The following PRUNE2 variants were observed in gnomAD, a reference collection of about 807,000 sequenced individuals.
The protein encoded by PRUNE2 is protein prune homolog 2.
In PRUNE2, 164 loss-of-function variants were observed where a neutral mutation model predicts 252.0. The ratio of observed to expected loss-of-function variants is 0.65; its 90% CI spans 0.57 to 0.74. The LOEUF (loss-of-function observed/expected upper bound fraction) is 0.74. PRUNE2 is among the 30% of genes least tolerant of loss of function. The pLI, the probability that PRUNE2 is intolerant of heterozygous loss-of-function variation, is 0.00. For synonymous variants in PRUNE2, 1,292 were observed against 1,350.2 expected, an observed-to-expected ratio of 0.96 and a Z score of 0.94; for missense variants, 3,495 against 3,711.0, an observed-to-expected ratio of 0.94 and a Z score of 1.51.
intron 6 of PRUNE2, among the ~76,000 whole-genome samples, chr9:76,715,508 C>A (rs2047073152): frequency 6.6e-6 from 1 of 152,174 alleles, no homozygotes; most frequent in African/African-American, 2.4e-5. Flanking sequence ...TACGAATCCA[C>A]AAAGGTCTCA....
chr9:76,690,884 T>C (rs1234474522), intron 9 of PRUNE2, among the ~76,000 whole-genome samples: 2 of 152,164 alleles, frequency 1.3e-5, no homozygotes, highest in Non-Finnish European at 2.9e-5. Context: ...ACCCTAAAAA[T>C]GTTTAATTTG....
At chr9:76,775,787 G>A (rs887967417) in intron 6 of PRUNE2, among the ~76,000 whole-genome samples, 3 of 152,212 alleles carry the variant, frequency 2.0e-5, no homozygotes, top group Non-Finnish European at 4.4e-5. Flanking sequence ...AAAAGCACAA[G>A]GATTGCTCAC....
At chr9:76,836,220 G>GA (rs1340591568) in intron 4 of PRUNE2, among the ~76,000 whole-genome samples, 1 of 151,518 alleles carries the variant, frequency 6.6e-6, no homozygotes, top group African/African-American at 2.4e-5. Flanking sequence ...AGAAATAAAC[G>GA]AATACAGGTG....
chr9:76,836,026 G>C (rs775972491), intron 4 of PRUNE2, among the ~76,000 whole-genome samples: 1 of 150,520 alleles, frequency 6.6e-6, no homozygotes, highest in African/African-American at 2.4e-5. Flanking sequence ...AAGGCCATTT[G>C]GGTAAAGTGT....
At chr9:76,699,461 C>A (rs563622038) in intron 9 of PRUNE2, among the ~76,000 whole-genome samples, 11 of 152,066 alleles carry the variant, frequency 7.2e-5, no homozygotes, top group Non-Finnish European at 8.8e-5. Context: ...TGTGAGGGGG[C>A]CTTCATCCAA....
At chr9:76,903,069 G>A (rs2063275911) in intron 1 of PRUNE2, among the ~76,000 whole-genome samples, 1 of 152,186 alleles carries the variant, frequency 6.6e-6, no homozygotes, top group Non-Finnish European at 1.5e-5. Context: ...AAAGACTTCT[G>A]TTCAACCTAG....
intron 9 of PRUNE2, among the ~76,000 whole-genome samples, chr9:76,679,370 G>C (rs2043175436): frequency 6.6e-6 from 1 of 152,112 alleles, no homozygotes; most frequent in South Asian, 2.1e-4. Context: ...AAATTTATTT[G>C]AAATTTCAAG....
At chr9:76,657,440 A>T (rs755983693) in intron 9 of PRUNE2, among the ~76,000 whole-genome samples, 7 of 152,224 alleles carry the variant, frequency 4.6e-5, no homozygotes, top group Non-Finnish European at 1.0e-4. Context: ...AATAGATAGG[A>T]TCAGCTTAAG....
At chr9:76,763,573 T>C (rs1047593705) in intron 6 of PRUNE2, among the ~76,000 whole-genome samples, 7 of 152,174 alleles carry the variant, frequency 4.6e-5, no homozygotes, top group African/African-American at 1.7e-4. Context: ...AATGAACAGA[T>C]GAAGTTTCAT....
At chr9:76,842,321 C>G (rs2059435112) in intron 4 of PRUNE2, among the ~76,000 whole-genome samples, 1 of 152,126 alleles carries the variant, frequency 6.6e-6, no homozygotes, top group South Asian at 2.1e-4. Flanking sequence ...TTTCCTTACA[C>G]CTTACAAAAA....
At chr9:76,821,776 T>A (rs1287366821) in intron 6 of PRUNE2, among the ~76,000 whole-genome samples, 1 of 152,198 alleles carries the variant, frequency 6.6e-6, no homozygotes, top group Non-Finnish European at 1.5e-5. Context: ...TTATCACTTA[T>A]TCTGCTTGAT....
intron 6 of PRUNE2, among the ~76,000 whole-genome samples, chr9:76,794,338 C>T (rs946381485): frequency 8.5e-5 from 13 of 152,260 alleles, no homozygotes; most frequent in African/African-American, 2.9e-4. Context: ...GGCCTCCGAG[C>T]GAGCGCGGTC....
chr9:76,807,051 T>TGTGTGTGTGTGTGTGCGCGC (rs60768420), intron 6 of PRUNE2, among the ~76,000 whole-genome samples: 10 of 139,454 alleles, frequency 7.2e-5, no homozygotes, highest in Middle Eastern at 3.7e-3. Context: ...TGTGTGTGTG[T>TGTGTGTGTGTGTGTGCGCGC]GCGCGCGCGC....
intron 1 of PRUNE2, among the ~76,000 whole-genome samples, chr9:76,856,089 C>G (rs1319733817): frequency 6.6e-6 from 1 of 152,168 alleles, no homozygotes; most frequent in Admixed American, 6.5e-5. Context: ...TAGACATTAC[C>G]TCATTTCTCT....
Position 76,708,155 on chromosome 9 carries a change from A to C in PRUNE2, c.4119T>G (p.His1373Gln). ...TGCCTGATTTAATGCAGATTTCCTGATGTTCAGATGCAACCAGAGAAGACA... is the reference window on the plus strand; with the variant it reads ...TGCCTGATTTAATGCAGATTTCCTGCTGTTCAGATGCAACCAGAGAAGACA... ...QELSSLVASE[H>Q]QEICIKSGKI... is the part of the protein sequence containing the mutation. The change falls in exon 8 of 19, where the codon CAT becomes CAG. Residue 1373 changes from histidine to glutamine, a missense_variant. Physicochemically the swap from His to Gln is conservative, Grantham distance 24. Transcript: ENST00000376718. 1 of 1,613,942 alleles carries C rather than the reference A, an allele frequency of 6.2e-7. No individual in the cohort carries two copies. Among genetic ancestry groups the C allele is most frequent in the Non-Finnish European group, 8.5e-7 (1 of 1,179,886 alleles).
chr9:76,705,096 G>A lies in PRUNE2; in HGVS notation c.7178C>T (p.Thr2393Ile), dbSNP rs1270806702. The A allele has an allele frequency of 1.2e-6, 2 of 1,613,932 alleles. No individual in the cohort carries two copies. The highest frequency in any genetic ancestry group is 2.7e-5 in the African/African-American group (2 of 74,932). ...GAGATAAGACAAATCAAAGGGAGGT[G>A]TGTACGGTGCCAGCGACTGCTTCAG... ...DSLKQSLAPY[T>I]PPFDLSYLTE... Residue 2393 changes from threonine to isoleucine, a missense_variant, in exon 8 of 19, where the codon ACA (threonine) becomes ATA (isoleucine). Physicochemically the swap from Thr to Ile is moderately conservative, Grantham distance 89 (BLOSUM62 -1). Coordinates refer to ENST00000376718, the MANE Select transcript of PRUNE2 (RefSeq NM_015225.3).
rs535747235 is a variant in PRUNE2 at position 76,706,864 on chromosome 9, G to A, written c.5410C>T (p.Pro1804Ser). ...TTGDVAWQIS[P>S]KASFPKNEDN... ...TCGTTCTTTGGGAACGAAGCTTTGG[G>A]AGATATTTGCCATGCAACATCTCCT... is the stretch of plus-strand genomic sequence containing the variant. Residue 1804 changes from proline (P) to serine (S), a missense_variant, in exon 8 of 19, where the codon CCC becomes TCC. Transcript: ENST00000376718. The A allele has an allele frequency of 8.8e-6, 14 of 1,594,994 alleles. No homozygotes were observed. The South Asian group carries it at 1.6e-4, about 18-fold the overall frequency.
At chr9:76,843,327 A>C (rs2059494731) in intron 4 of PRUNE2, among the ~76,000 whole-genome samples, 1 of 151,762 alleles carries the variant, frequency 6.6e-6, no homozygotes, top group African/African-American at 2.4e-5. Flanking sequence ...CCTGTTGGGG[A>C]TGGGGGCTAG....
chr9:76,657,614 A>T (rs1317108718), intron 9 of PRUNE2, among the ~76,000 whole-genome samples: 1 of 152,220 alleles, frequency 6.6e-6, no homozygotes, highest in East Asian at 1.9e-4. Flanking sequence ...CTGTGATTTT[A>T]AAAGGGGATA....
Sources: allele counts gnomAD v4.1 joint callset (sites outside exome capture counted in the v4.1 genomes callset), GRCh38; gene constraint gnomAD v4.1.1; transcripts MANE v1.5; gene names NCBI Gene and HGNC (gene_info 2026-07-23, HGNC 2026-07-21).